LTBP1: variants seen among roughly 807,000 people sequenced by gnomAD.
The protein encoded by LTBP1 is latent-transforming growth factor beta-binding protein 1.
Under a neutral mutation model 207.6 loss-of-function variants are expected in LTBP1, and 129 were observed. The observed-to-expected ratio is 0.62, with a 90% CI of 0.54 to 0.72. The LOEUF (loss-of-function observed/expected upper bound fraction) is 0.72. Ranked by LOEUF, LTBP1 falls within the 30% of genes least tolerant of loss-of-function variation. LTBP1 has a pLI of 0.00. For missense variants in LTBP1, 2,281 were observed against 2,217.2 expected, an observed-to-expected ratio of 1.03 and a Z score of -0.58; for synonymous variants, 963 against 833.7, an observed-to-expected ratio of 1.16 and a Z score of -2.67.
chr2:33,307,700 C>T (rs556066678), intron 22 of LTBP1, among the ~76,000 whole-genome samples: 33 of 152,314 alleles, frequency 2.2e-4, no homozygotes, highest in African/African-American at 7.7e-4. Flanking sequence ...TAGAAAAACA[C>T]ATTAAAGAAA....
At chr2:33,381,092 GTGT>G (rs1479405248) in intron 31 of LTBP1, among the ~76,000 whole-genome samples, 8 of 152,252 alleles carry the variant, frequency 5.3e-5, no homozygotes, top group Non-Finnish European at 1.0e-4. Context: ...TTTGTTTATT[GTGT>G]TGTTCAGTCT....
intron 20 of LTBP1, 25 bp downstream of exon 20, chr2:33,293,307 A>G (rs961487198): frequency 6.3e-7 from 1 of 1,577,040 alleles, no homozygotes; most frequent in Non-Finnish European, 8.6e-7. Flanking sequence ...CAAGTTTCCC[A>G]TTTTTATTTA....
Position 33,055,175 on chromosome 2 carries a change from T to C in LTBP1, c.863+33969T>C, listed in dbSNP as rs141835488. Among the ~76,000 whole-genome samples the C allele has an allele frequency of 1.7e-3, 254 of 152,314 alleles. 1 individual carries two copies. The highest frequency in any genetic ancestry group is 5.7e-3 in the African/African-American group (239 of 41,572). On this transcript the variant is annotated intron_variant, in intron 3 of 33. Coordinates refer to ENST00000404816, the MANE Select transcript of LTBP1 (RefSeq NM_206943.4). Reference sequence around the variant, plus strand: ...AGGTTGCAAGGTTTAACGATGCCTCTAGATTTTGTTCAGGGCCCAGGGCTT... The same window carrying C: ...AGGTTGCAAGGTTTAACGATGCCTCCAGATTTTGTTCAGGGCCCAGGGCTT...
At chr2:33,233,771 A>G (rs1314110013) in intron 9 of LTBP1, among the ~76,000 whole-genome samples, 1 of 152,100 alleles carries the variant, frequency 6.6e-6, no homozygotes, top group Non-Finnish European at 1.5e-5. Context: ...TTCTAATATT[A>G]GTAAATTTAC....
chr2:33,299,552 G>A (rs1212450058), intron 20 of LTBP1, among the ~76,000 whole-genome samples: 2 of 152,202 alleles, frequency 1.3e-5, no homozygotes, highest in Non-Finnish European at 1.5e-5. Flanking sequence ...TGTAGGTGAT[G>A]AAGATCAGTT....
chr2:33,330,392 T>C (rs1378894850), intron 24 of LTBP1, among the ~76,000 whole-genome samples: 1 of 152,014 alleles, frequency 6.6e-6, no homozygotes, highest in Non-Finnish European at 1.5e-5. Context: ...CTAGGACCTC[T>C]ACTGCAATGT....
At chr2:33,324,402 G>GTATGTA (rs1216643893) in intron 24 of LTBP1, among the ~76,000 whole-genome samples, 2 of 151,466 alleles carry the variant, frequency 1.3e-5, no homozygotes, top group African/African-American at 4.9e-5. Flanking sequence ...ATGTATGTAT[G>GTATGTA]TATATATATG....
chr2:32,950,127 C>T (rs1365767377), intron 2 of LTBP1, among the ~76,000 whole-genome samples: 1 of 152,152 alleles, frequency 6.6e-6, no homozygotes, highest in Non-Finnish European at 1.5e-5. Context: ...ATTGCTCAGG[C>T]CAAATGACAT....
At chr2:33,141,961 C>G (rs1022133087) in intron 5 of LTBP1, among the ~76,000 whole-genome samples, 9 of 152,010 alleles carry the variant, frequency 5.9e-5, no homozygotes, top group African/African-American at 9.7e-5. Flanking sequence ...AGGATACAGT[C>G]CTGGAATTCT....
chr2:33,055,244 A>C (rs528659280), intron 3 of LTBP1, among the ~76,000 whole-genome samples: 1 of 152,240 alleles, frequency 6.6e-6, no homozygotes, highest in African/African-American at 2.4e-5. Context: ...ATTGGGTATT[A>C]AACTTATCTT....
At chr2:33,316,706 T>C (rs796419323) in intron 24 of LTBP1, among the ~76,000 whole-genome samples, 3 of 152,174 alleles carry the variant, frequency 2.0e-5, no homozygotes, top group African/African-American at 7.2e-5. Flanking sequence ...AATTTTATAT[T>C]TGGGGCTTTG....
intron 2 of LTBP1, among the ~76,000 whole-genome samples, chr2:32,997,120 A>T (rs990233967): frequency 2.0e-5 from 3 of 152,090 alleles, no homozygotes; most frequent in African/African-American, 7.2e-5. Flanking sequence ...CCTGACCTCA[A>T]GCGATCCGCC....
intron 31 of LTBP1, among the ~76,000 whole-genome samples, chr2:33,384,292 T>C (rs2095246791): frequency 6.6e-6 from 1 of 152,240 alleles, no homozygotes; most frequent in Non-Finnish European, 1.5e-5. Flanking sequence ...GCCTGGATCT[T>C]GTTTAGACTA....
At chr2:33,314,189 C>G (rs1220868719) in intron 23 of LTBP1, among the ~76,000 whole-genome samples, 1 of 152,166 alleles carries the variant, frequency 6.6e-6, no homozygotes, top group Non-Finnish European at 1.5e-5. Context: ...GTGGTAGGCA[C>G]TGCCCTGAGC....
intron 23 of LTBP1, 21 bp downstream of exon 23, chr2:33,309,577 C>G: frequency 6.3e-7 from 1 of 1,598,004 alleles, no homozygotes; most frequent in Non-Finnish European, 8.5e-7. Flanking sequence ...CTCTTTTTTC[C>G]CCAGTCATTA....
At position 33,360,599 on chromosome 2, in the gene LTBP1, TTAGATGTAGATG is replaced by T. The variant is rs748044894; in HGVS notation, c.4009_4020del (p.Val1337_Asp1340del). On this transcript the variant is annotated inframe_deletion, in exon 27 of 34. Transcript: ENST00000404816. ...TCTACTTTCTCTACTCCATTTAGAT[TTAGATGTAGATG>T]TAGATCAACCCAAAGAAGAAAAGAA... 2 of 1,608,238 alleles carry T rather than the reference TTAGATGTAGATG, an allele frequency of 1.2e-6. No homozygotes were observed. Among genetic ancestry groups the T allele is most frequent in the Non-Finnish European group, 8.5e-7 (1 of 1,174,680 alleles).
At chr2:33,343,919 C>G (rs1270586760) in intron 25 of LTBP1, among the ~76,000 whole-genome samples, 3 of 152,158 alleles carry the variant, frequency 2.0e-5, no homozygotes, top group Admixed American at 2.0e-4. Flanking sequence ...AAATTCAAGA[C>G]TTTATAGATA....
intron 3 of LTBP1, among the ~76,000 whole-genome samples, chr2:33,102,367 G>A (rs2079788433): frequency 1.3e-5 from 2 of 152,194 alleles, no homozygotes; most frequent in South Asian, 4.2e-4. Context: ...TCCAAGTCTT[G>A]ACACTTAAAA....
intron 10 of LTBP1, among the ~76,000 whole-genome samples, chr2:33,245,025 T>C (rs2092462912): frequency 6.6e-6 from 1 of 152,122 alleles, no homozygotes; most frequent in African/African-American, 2.4e-5. Context: ...ATTATGGGCA[T>C]GTGCTACCAC....
Sources: allele counts gnomAD v4.1 joint callset (sites outside exome capture counted in the v4.1 genomes callset), GRCh38; gene constraint gnomAD v4.1.1; transcripts MANE v1.5; gene names NCBI Gene and HGNC (gene_info 2026-07-23, HGNC 2026-07-21).